GIT1: variants seen among roughly 807,000 people sequenced by gnomAD.
The protein encoded by GIT1 is GIT ArfGAP 1.
A neutral mutation model predicts 91.7 loss-of-function variants in GIT1; 14 were observed. The ratio of observed to expected loss-of-function variants is 0.15; its 90% CI spans 0.10 to 0.24. The LOEUF is 0.24. Ranked by LOEUF, GIT1 falls within the 10% of genes least tolerant of loss-of-function variation. GIT1 has a pLI of 1.00. For missense variants in GIT1, 717 were observed against 1,024.9 expected (o/e 0.70, Z 4.10); for synonymous variants, 414 against 418.2 (o/e 0.99, Z 0.12).
intron 10 of GIT1, among the ~76,000 whole-genome samples, 197 bp downstream of exon 10, chr17:29,577,448 G>A (rs912331188): frequency 2.0e-5 from 3 of 152,134 alleles, no homozygotes; most frequent in Non-Finnish European, 4.4e-5. Flanking sequence ...AGCAGAGGCC[G>A]GAACACCCAC....
chr17:29,574,937 T>C (rs1175225058), intron 19 of GIT1, 23 bp from the exon 20 acceptor site: 3 of 1,533,498 alleles, frequency 2.0e-6, no homozygotes, highest in Non-Finnish European at 2.6e-6. Flanking sequence ...GGAGTGAGGC[T>C]GGACCTTGGA....
intron 1 of GIT1, among the ~76,000 whole-genome samples, chr17:29,585,157 C>T (rs930295524): frequency 3.3e-5 from 5 of 151,922 alleles, no homozygotes; most frequent in African/African-American, 9.7e-5. Flanking sequence ...AGAGGGGGAG[C>T]CCTAGCATGC....
In GIT1 at chr17:29,576,062, CCTT is replaced by C. The variant is rs2033183785; in HGVS notation, c.1665+13_1665+15del. The C allele has an allele frequency of 6.2e-7, 1 of 1,613,090 alleles. No homozygotes were observed. Among genetic ancestry groups the C allele is most frequent in the Non-Finnish European group, 8.5e-7 (1 of 1,179,452 alleles). On this transcript the variant is annotated intron_variant, in intron 15 of 19. Coordinates refer to ENST00000225394, the MANE Select transcript of GIT1 (RefSeq NM_014030.4). Reference sequence around the variant, plus strand: ...GAACCTACTGGCTAAGATGGACACGCCTTCCCCAGGCTTACCCGGTAAAGGCCA... The same window carrying C: ...GAACCTACTGGCTAAGATGGACACGCCCCCAGGCTTACCCGGTAAAGGCCA...
chr17:29,575,021 C>T lies in GIT1; in HGVS notation c.2073+58G>A, dbSNP rs1191232355. The T allele has an allele frequency of 6.0e-6, 9 of 1,490,260 alleles. No homozygotes were observed. Among genetic ancestry groups the T allele is most frequent in the Admixed American group, 3.7e-5 (2 of 53,578 alleles). 92.3% of individuals were successfully genotyped at this position (1,490,260 alleles called of 1,614,324 possible). A position where few individuals can be genotyped will look rare whatever the true frequency, so the allele number is the denominator to read the frequency against. ...CCAGGTAGCGATCAGATGGGATTCT[C>T]CACGCCTGCCCCAGCTCGAGGCCCT... On this transcript the variant is annotated intron_variant, in intron 19 of 19. Coordinates refer to ENST00000225394, the MANE Select transcript of GIT1 (RefSeq NM_014030.4). This position sits in a 1 kb window ranked among gnomAD's most constrained non-coding sequence, Gnocchi z 5.5.
Position 29,575,986 on chromosome 17 carries a change from A to G in GIT1, c.1666-88T>C. The G allele has an allele frequency of 7.1e-6, 11 of 1,546,912 alleles. No homozygotes were observed. Among genetic ancestry groups the G allele is most frequent in the Non-Finnish European group, 9.8e-6 (11 of 1,120,472 alleles). Reference sequence around the variant, plus strand: ...GTGCAGCAGGGACCAGGTCAGTCTAATCATCTTAAGCCCCGAATTCAGCAC... The same window carrying G: ...GTGCAGCAGGGACCAGGTCAGTCTAGTCATCTTAAGCCCCGAATTCAGCAC... On this transcript the variant is annotated intron_variant, in intron 15 of 19. Coordinates refer to ENST00000225394, the MANE Select transcript of GIT1 (RefSeq NM_014030.4). This position sits in a 1 kb window ranked among gnomAD's most constrained non-coding sequence, Gnocchi z 5.5.
At position 29,589,361 on chromosome 17, in the gene GIT1, C is replaced by A; in HGVS notation, c.18G>T (p.Pro6=). The A allele has an allele frequency of 9.2e-7, 1 of 1,086,174 alleles. No homozygotes were observed. The highest frequency in any genetic ancestry group is 1.1e-6 in the Non-Finnish European group (1 of 883,824). 67.3% of individuals were successfully genotyped at this position (1,086,174 alleles called of 1,614,324 possible). MSRKG[P]RAEVCADCSA... ...TGCAGTCCGCACACACCTCCGCTCG[C>A]GGCCCCTTTCGGGACATCCTCAGCG... The change falls in exon 1 of 20, where the codon CCG becomes CCT. Residue 6 remains proline, a synonymous_variant. Transcript: ENST00000225394. The surrounding 1 kb of genome is among the most constrained non-coding windows in gnomAD (Gnocchi z 5.2).
chr17:29,588,990 G>A (rs2033702715), intron 1 of GIT1, among the ~76,000 whole-genome samples: 1 of 152,176 alleles, frequency 6.6e-6, no homozygotes, highest in African/African-American at 2.4e-5. Flanking sequence ...CCTCCGCCAC[G>A]GCCCTCCTGC....
In GIT1 at chr17:29,578,652, C is replaced by A. The variant is rs751521186; in HGVS notation, c.810+79G>T. 19 of 1,270,718 alleles carry A rather than the reference C, an allele frequency of 1.5e-5. No homozygotes were observed. In the African/African-American group the frequency reaches 2.1e-4, roughly 14 times the overall value. 78.7% of individuals were successfully genotyped at this position (1,270,718 alleles called of 1,614,324 possible). On this transcript the variant is annotated intron_variant, in intron 8 of 19. Coordinates refer to ENST00000225394, the MANE Select transcript of GIT1 (RefSeq NM_014030.4). Reference sequence around the variant, plus strand: ...TTGGAAAAGGTCATCGAGTCAGAGGCAGAGGAAGCAAGAGCAGAGGGTGGG... The same window carrying A: ...TTGGAAAAGGTCATCGAGTCAGAGGAAGAGGAAGCAAGAGCAGAGGGTGGG...
chr17:29,579,102 C>A (rs2033313355), intron 7 of GIT1: 1 of 893,826 alleles, frequency 1.1e-6, no homozygotes, highest in Admixed American at 1.8e-5. Context: ...CACGCACACC[C>A]GGCCCAGAAG....
chr17:29,587,715 G>A lies in GIT1; in HGVS notation c.52+1612C>T, dbSNP rs1265975617. On this transcript the variant is annotated intron_variant, in intron 1 of 19. Coordinates refer to ENST00000225394, the MANE Select transcript of GIT1 (RefSeq NM_014030.4). ...ACTCCAACTTCTTTGCCTCTGAATTGAGGAAGCTGAGGACCCCACAGTGAG... is the reference window on the plus strand; with the variant it reads ...ACTCCAACTTCTTTGCCTCTGAATTAAGGAAGCTGAGGACCCCACAGTGAG... Among the ~76,000 whole-genome samples, 3 of 152,262 alleles carry A rather than the reference G, an allele frequency of 2.0e-5. No individual in the cohort carries two copies. The East Asian group carries it at 5.8e-4, about 29-fold the overall frequency.
rs1278776932 is a variant in GIT1, at chr17:29,574,346, G to A, written c.*356C>T. On this transcript the variant is annotated 3_prime_UTR_variant, in exon 20 of 20. Coordinates refer to ENST00000225394, the MANE Select transcript of GIT1 (RefSeq NM_014030.4). ...ACTGGCTCATGGGGGTGGGGCGCATGTACGGAGAGCTGCCCCACTTGGAGT... is the reference window on the plus strand; with the variant it reads ...ACTGGCTCATGGGGGTGGGGCGCATATACGGAGAGCTGCCCCACTTGGAGT... 2 of 308,882 alleles carry A rather than the reference G, an allele frequency of 6.5e-6. No homozygotes were observed. The highest frequency in any genetic ancestry group is 1.2e-5 in the Non-Finnish European group (2 of 161,216). 19.1% of individuals were successfully genotyped at this position (308,882 alleles called of 1,614,324 possible).
intron 9 of GIT1, 27 bp from the exon 10 acceptor site, chr17:29,577,769 A>C: frequency 2.8e-6 from 4 of 1,436,364 alleles, no homozygotes; most frequent in Non-Finnish European, 3.9e-6. Flanking sequence ...GGAGCAGATC[A>C]GCCACGGTGG....
intron 1 of GIT1, among the ~76,000 whole-genome samples, chr17:29,586,315 A>T (rs1437703731): frequency 6.6e-6 from 1 of 152,066 alleles, no homozygotes; most frequent in African/African-American, 2.4e-5. Context: ...TTTATTTTTT[A>T]TTTTTATTTT....
In GIT1 at chr17:29,583,468, G is replaced by A. The variant is rs763151361; in HGVS notation, c.186+15C>T. ...GCCTGAGGGGAAGGAAGAACCACCC[G>A]ACTGAGCCCTGTACCTGCAGCAGCG... On this transcript the variant is annotated intron_variant, in intron 2 of 19. Transcript: ENST00000225394. 1.6e-5 allele frequency: 26 copies of A among 1,610,122 alleles called. No individual in the cohort carries two copies. The highest frequency in any genetic ancestry group is 6.6e-5 in the South Asian group (6 of 90,970).
Position 29,575,547 on chromosome 17 carries a change from T to A in GIT1, c.1827-77A>T, listed in dbSNP as rs2033162253. 6.4e-7 allele frequency: 1 copy of A among 1,562,972 alleles called. No homozygotes were observed. Among genetic ancestry groups the A allele is most frequent in the Non-Finnish European group, 8.7e-7 (1 of 1,143,660 alleles). On this transcript the variant is annotated intron_variant, in intron 17 of 19. Coordinates refer to ENST00000225394, the MANE Select transcript of GIT1 (RefSeq NM_014030.4). This position sits in a 1 kb window ranked among gnomAD's most constrained non-coding sequence, Gnocchi z 5.5. ...CGTTCCAGCCTCGGAGCCGCCCGCC[T>A]TGGTCCTCACACACTGGGGGCCCTC...
chr17:29,581,158 T>C lies in GIT1; in HGVS notation c.761+180A>G. ...AGGCTATGCGGGCCACATATGGAGC[T>C]GACATTTTTTACCTGCCTTGGGGCC... On this transcript the variant is annotated intron_variant, in intron 7 of 19. Transcript: ENST00000225394. The surrounding 1 kb of genome is among the most constrained non-coding windows in gnomAD (Gnocchi z 4.8). 1.6e-6 allele frequency: 1 copy of C among 624,034 alleles called. No homozygotes were observed. Among genetic ancestry groups the C allele is most frequent in the Non-Finnish European group, 2.9e-6 (1 of 346,018 alleles). The allele number at this position is 624,034 out of a possible 1,614,324, so 38.7% of individuals were successfully genotyped here.
chr17:29,582,201 C>G, intron 4 of GIT1, 57 bp from the exon 5 acceptor site: 2 of 1,312,916 alleles, frequency 1.5e-6, no homozygotes, highest in Admixed American at 4.0e-5. Context: ...ACCTCCCCAC[C>G]CACAAGCTGC....
Position 29,581,465 on chromosome 17 carries a change from G to T in GIT1, c.719-85C>A. 9.3e-7 allele frequency: 1 copy of T among 1,079,970 alleles called. No homozygotes were observed. Among genetic ancestry groups the T allele is most frequent in the Non-Finnish European group, 1.4e-6 (1 of 696,330 alleles). 66.9% of individuals were successfully genotyped at this position (1,079,970 alleles called of 1,614,324 possible). A position where few individuals can be genotyped will look rare whatever the true frequency, so the allele number is the denominator to read the frequency against. On this transcript the variant is annotated intron_variant, in intron 6 of 19. Coordinates refer to ENST00000225394, the MANE Select transcript of GIT1 (RefSeq NM_014030.4). This position sits in a 1 kb window ranked among gnomAD's most constrained non-coding sequence, Gnocchi z 4.8. Reference sequence around the variant, plus strand: ...AGCCCACCTCACTGCCATGAGCAGGGCTGGCACCCAGAAGTGTCAGGGGAA... The same window carrying T: ...AGCCCACCTCACTGCCATGAGCAGGTCTGGCACCCAGAAGTGTCAGGGGAA...
Position 29,575,180 on chromosome 17 carries a change from CAAGG to C in GIT1, c.2010-42_2010-39del. On this transcript the variant is annotated intron_variant, in intron 18 of 19. Coordinates refer to ENST00000225394, the MANE Select transcript of GIT1 (RefSeq NM_014030.4). This position sits in a 1 kb window ranked among gnomAD's most constrained non-coding sequence, Gnocchi z 5.5. ...GGGAGGCTATAAAGCAGGGGGCTCT[CAAGG>C]GAGGTTCCCAGGGACAGCAGAACCC... 1 of 1,571,054 alleles carries C rather than the reference CAAGG, an allele frequency of 6.4e-7. No individual in the cohort carries two copies. The highest frequency in any genetic ancestry group is 8.7e-7 in the Non-Finnish European group (1 of 1,152,340).
Sources: allele counts gnomAD v4.1 joint callset (sites outside exome capture counted in the v4.1 genomes callset), GRCh38; gene constraint gnomAD v4.1.1; non-coding constraint Gnocchi (gnomAD v3.1); transcripts MANE v1.5; gene names NCBI Gene and HGNC (gene_info 2026-07-23, HGNC 2026-07-21).